DNAJC21: variants seen among roughly 807,000 people sequenced by gnomAD.
DNAJC21 encodes the protein dnaJ homolog subfamily C member 21.
DNAJC21 carries 63 observed loss-of-function variants against 72.4 expected under a neutral mutation model. The observed-to-expected ratio is 0.87, with a 90% CI of 0.71 to 1.07. The LOEUF is 1.07. Ranked by LOEUF, DNAJC21 falls within the 50% of genes least tolerant of loss-of-function variation. The probability of loss-of-function intolerance (pLI) is 0.00; values close to 1 mark genes in which losing one functional copy is unlikely to be tolerated. For synonymous variants in DNAJC21, 203 were observed against 216.7 expected (o/e 0.94, Z 0.56); for missense variants, 634 against 644.8 (o/e 0.98, Z 0.18).
In DNAJC21 at chr5:34,950,346, A is replaced by G; in HGVS notation, c.1358+4A>G. 1.2e-6 allele frequency: 2 copies of G among 1,606,164 alleles called. No individual in the cohort carries two copies. The highest frequency in any genetic ancestry group is 1.7e-6 in the Non-Finnish European group (2 of 1,177,314). Reference sequence around the variant, plus strand: ...ATCCAAAAAGTGAAGCTAAAAGGTAAGTCAAAGTTGCATATTATTTGTAAA... The same window carrying G: ...ATCCAAAAAGTGAAGCTAAAAGGTAGGTCAAAGTTGCATATTATTTGTAAA... On this transcript the variant is annotated splice_donor_region_variant and intron_variant, in intron 10 of 11. Transcript: ENST00000648817.
At chr5:34,944,589 G>A (rs995616839) in intron 7 of DNAJC21, among the ~76,000 whole-genome samples, 1 of 152,016 alleles carries the variant, frequency 6.6e-6, no homozygotes, top group South Asian at 2.1e-4. Flanking sequence ...AATGTATGTA[G>A]ATAAAAGGAC....
In DNAJC21 at chr5:34,954,997, A is replaced by C. The variant is rs1765495106; in HGVS notation, c.*283A>C. 4.6e-6 allele frequency: 1 copy of C among 219,702 alleles called. No individual in the cohort carries two copies. Among genetic ancestry groups the C allele is most frequent in the Admixed American group, 5.7e-5 (1 of 17,444 alleles). 13.6% of individuals were successfully genotyped at this position (219,702 alleles called of 1,614,324 possible). A position where few individuals can be genotyped will look rare whatever the true frequency, so the allele number is the denominator to read the frequency against. On this transcript the variant is annotated 3_prime_UTR_variant, in exon 12 of 12. Transcript: ENST00000648817. ...ATGTTTATTGGCTCATGTGGACAGA[A>C]ATGTACAGGGAGAATTACATTATTT...
intron 11 of DNAJC21, chr5:34,954,232 C>T (rs1765467766): frequency 8.5e-6 from 4 of 468,368 alleles, no homozygotes; most frequent in Non-Finnish European, 1.5e-5. Context: ...TTTTCTATTA[C>T]TTTTCAATCT....
intron 7 of DNAJC21, among the ~76,000 whole-genome samples, chr5:34,943,965 G>A (rs557871136): frequency 2.6e-5 from 4 of 152,260 alleles, no homozygotes; most frequent in Non-Finnish European, 5.9e-5. Context: ...TTCAGACACA[G>A]GATCTTCCAT....
chr5:34,939,037 T>G, intron 6 of DNAJC21, 28 bp downstream of exon 6: 8 of 1,474,444 alleles, frequency 5.4e-6, no homozygotes, highest in Non-Finnish European at 7.2e-6. Flanking sequence ...TTATTTATCT[T>G]TTTTGTTTTT....
chr5:34,937,188 T>C, intron 4 of DNAJC21, 138 bp from the exon 5 acceptor site: 1 of 879,400 alleles, frequency 1.1e-6, no homozygotes, highest in Non-Finnish European at 1.7e-6. Flanking sequence ...TTAAAAGTAC[T>C]GTCTTCTCCA....
rs1764561535 is a variant in DNAJC21, at chr5:34,930,694, G to A, written c.97+778G>A. Among the ~76,000 whole-genome samples, 4 of 152,260 alleles carry A rather than the reference G, an allele frequency of 2.6e-5. No individual in the cohort carries two copies. In the South Asian group the frequency reaches 8.3e-4, roughly 32 times the overall value. On this transcript the variant is annotated intron_variant, in intron 1 of 11. Coordinates refer to ENST00000648817, the MANE Select transcript of DNAJC21 (RefSeq NM_001012339.3). ...ACTTTCAGCTTTTTGAGGTTCATAT[G>A]AAGAGGCTTTCATATTAGCATTCAT... is the stretch of plus-strand genomic sequence containing the variant.
chr5:34,936,481 G>A (rs188559473), intron 4 of DNAJC21, among the ~76,000 whole-genome samples: 113 of 152,218 alleles, frequency 7.4e-4, no homozygotes, highest in African/African-American at 2.6e-3. Context: ...ACGACATCTA[G>A]CTAATTTGTC....
Position 34,957,007 on chromosome 5 carries a change from A to G in DNAJC21, c.*2293A>G, listed in dbSNP as rs1765556520. 1 of 152,204 alleles carries G rather than the reference A, an allele frequency of 6.6e-6. No homozygotes were observed. Among genetic ancestry groups the G allele is most frequent in the Non-Finnish European group, 1.5e-5 (1 of 68,036 alleles). 9.4% of individuals were successfully genotyped at this position (152,204 alleles called of 1,614,324 possible). On this transcript the variant is annotated 3_prime_UTR_variant, in exon 12 of 12. Transcript: ENST00000648817. ...ATATTGTTGAATTTAAATAAGGTAA[A>G]TCTTTTTTAGTTTATATATTTGCAG...
intron 1 of DNAJC21, among the ~76,000 whole-genome samples, chr5:34,931,789 AGCG>A (rs1272713408): frequency 1.3e-5 from 2 of 152,190 alleles, no homozygotes; most frequent in Non-Finnish European, 2.9e-5. Context: ...GCTTGGGGTC[AGCG>A]GGAGGGGGAA....
chr5:34,943,849 T>C (rs544245786), intron 7 of DNAJC21, among the ~76,000 whole-genome samples: 1 of 152,360 alleles, frequency 6.6e-6, no homozygotes, highest in East Asian at 1.9e-4. Flanking sequence ...AATTCATTAC[T>C]GACCTTTTCA....
At position 34,956,072 on chromosome 5, in the gene DNAJC21, A is replaced by G. The variant is rs912048606; in HGVS notation, c.*1358A>G. The G allele has an allele frequency of 1.1e-4, 17 of 152,002 alleles. No individual in the cohort carries two copies. Among genetic ancestry groups the G allele is most frequent in the Admixed American group, 8.6e-4 (13 of 15,200 alleles). 9.4% of individuals were successfully genotyped at this position (152,002 alleles called of 1,614,324 possible). On this transcript the variant is annotated 3_prime_UTR_variant, in exon 12 of 12. Coordinates refer to ENST00000648817, the MANE Select transcript of DNAJC21 (RefSeq NM_001012339.3). ...CGTCTCAAAAAAAAAAAAAAAAAAAAAAAGAAAGTAATTTTAAACTCACTG... is the reference window on the plus strand; with the variant it reads ...CGTCTCAAAAAAAAAAAAAAAAAAAGAAAGAAAGTAATTTTAAACTCACTG...
At chr5:34,951,120 G>A in intron 10 of DNAJC21, 1 of 985,496 alleles carries the variant, frequency 1.0e-6, no homozygotes, top group Non-Finnish European at 1.2e-6. Context: ...GCACTTAGTA[G>A]TAGGAAGGAG....
rs757915043 is a variant in DNAJC21, at chr5:34,938,884, G to A, written c.770G>A (p.Ser257Asn). ...CTGGTGGAGCAGTACAGAGAACAGA[G>A]CTGGATGACTATGGCCAATTTGGAG... ...AKLVEQYREQ[S>N]WMTMANLEKE... The change falls in exon 6 of 12, where the codon AGC becomes AAC. Residue 257 changes from serine to asparagine, a missense_variant. Transcript: ENST00000648817. 6.2e-7 allele frequency: 1 copy of A among 1,614,180 alleles called. No homozygotes were observed. The highest frequency in any genetic ancestry group is 8.5e-7 in the Non-Finnish European group (1 of 1,180,028).
chr5:34,935,156 T>A (rs1000538385), intron 2 of DNAJC21, among the ~76,000 whole-genome samples: 7 of 152,238 alleles, frequency 4.6e-5, no homozygotes, highest in Admixed American at 3.3e-4. Flanking sequence ...CAGACTTTGC[T>A]GGTTACTGGT....
chr5:34,942,937 G>T (rs1323387642), intron 7 of DNAJC21, among the ~76,000 whole-genome samples: 1 of 152,086 alleles, frequency 6.6e-6, no homozygotes, highest in Non-Finnish European at 1.5e-5. Context: ...GCGTGGTGAC[G>T]CATACCTGTA....
Position 34,954,696 on chromosome 5 carries a change from G to C in DNAJC21, c.1578G>C (p.Glu526Asp). ...NSATSSQSKK[E>D]KRKNR ...CAACAAGTAGTCAAAGCAAGAAAGAGAAACGTAAAAACAGATAGAGATTCT... is the reference window on the plus strand; with the variant it reads ...CAACAAGTAGTCAAAGCAAGAAAGACAAACGTAAAAACAGATAGAGATTCT... The change falls in exon 12 of 12, where the codon GAG becomes GAC. Residue 526 changes from glutamate to aspartate, a missense_variant. Coordinates refer to ENST00000648817, the MANE Select transcript of DNAJC21 (RefSeq NM_001012339.3). 1.2e-6 allele frequency: 2 copies of C among 1,607,662 alleles called. No individual in the cohort carries two copies. Among genetic ancestry groups the C allele is most frequent in the Non-Finnish European group, 1.7e-6 (2 of 1,177,596 alleles).
intron 9 of DNAJC21, among the ~76,000 whole-genome samples, chr5:34,948,842 G>A (rs1249335784): frequency 6.6e-6 from 1 of 151,888 alleles, no homozygotes; most frequent in African/African-American, 2.4e-5. Flanking sequence ...TCCAGCCTGG[G>A]CAACAGAGCA....
chr5:34,941,225 TCTCA>T (rs1764979088), intron 7 of DNAJC21, 42 bp downstream of exon 7: 3 of 1,568,756 alleles, frequency 1.9e-6, no homozygotes, highest in Non-Finnish European at 2.6e-6. Context: ...TGAGACAGGG[TCTCA>T]CTCTGTCACC....
Sources: gnomAD v4.1 joint callset for allele counts (sites outside exome capture counted in the v4.1 genomes callset) on GRCh38, gnomAD v4.1.1 for gene constraint, MANE v1.5 for transcripts, NCBI Gene and HGNC (gene_info 2026-07-23, HGNC 2026-07-21) for gene names.